Variants in SMAD3 observed in about 807,000 individuals in gnomAD.
SMAD3 encodes the protein SMAD family member 3, also known as MAD homolog 3.
SMAD3 carries 12 observed loss-of-function variants against 51.8 expected under a neutral mutation model. The ratio of observed to expected loss-of-function variants is 0.23; its 90% CI spans 0.15 to 0.38. The LOEUF (loss-of-function observed/expected upper bound fraction) is 0.38, where lower values mean the gene tolerates loss of function less well. Ranked by LOEUF, SMAD3 falls within the 10% of genes least tolerant of loss-of-function variation. The pLI is 1.00. For missense variants in SMAD3, 294 were observed against 565.6 expected (o/e 0.52, Z 4.87); for synonymous variants, 238 against 227.7 (o/e 1.05, Z -0.41).
chr15:67,151,589 G>A (rs1187274966), intron 1 of SMAD3, among the ~76,000 whole-genome samples: 2 of 152,066 alleles, frequency 1.3e-5, no homozygotes, highest in Non-Finnish European at 2.9e-5. Context: ...CCTCAGCCTC[G>A]CAAAGTGCTG....
chr15:67,124,399 G>T (rs988783419), intron 1 of SMAD3, among the ~76,000 whole-genome samples: 12 of 151,746 alleles, frequency 7.9e-5, no homozygotes, highest in African/African-American at 2.9e-4. Flanking sequence ...TCCACAGTGA[G>T]AATTAACTTC....
At chr15:67,110,505 G>A (rs1960989407) in intron 1 of SMAD3, among the ~76,000 whole-genome samples, 1 of 152,208 alleles carries the variant, frequency 6.6e-6, no homozygotes, top group Non-Finnish European at 1.5e-5. Flanking sequence ...CTCCCCCTAC[G>A]TGACAGTATT....
intron 4 of SMAD3, among the ~76,000 whole-genome samples, chr15:67,168,465 T>C (rs943697624): frequency 1.3e-5 from 2 of 152,220 alleles, no homozygotes; most frequent in Non-Finnish European, 2.9e-5. Context: ...AGTGCAGGCG[T>C]GGGAAGCAGG....
intron 1 of SMAD3, among the ~76,000 whole-genome samples, chr15:67,159,058 C>T (rs1299190177): frequency 6.6e-6 from 1 of 151,888 alleles, no homozygotes; most frequent in African/African-American, 2.4e-5. Flanking sequence ...TTTTTTTAAT[C>T]CCTCTGGGGG....
chr15:67,088,854 G>T (rs886920144), intron 1 of SMAD3, among the ~76,000 whole-genome samples: 7 of 152,166 alleles, frequency 4.6e-5, no homozygotes, highest in African/African-American at 1.7e-4. Context: ...TTGAACCCAG[G>T]AGGCAGAGGT....
intron 5 of SMAD3, among the ~76,000 whole-genome samples, chr15:67,173,811 G>A (rs1962816318): frequency 6.6e-6 from 1 of 152,214 alleles, no homozygotes. Context: ...TCGAGAAATG[G>A]TAGCAGAGCT....
intron 1 of SMAD3, among the ~76,000 whole-genome samples, chr15:67,125,147 G>A (rs965226331): frequency 3.3e-5 from 5 of 152,190 alleles, no homozygotes; most frequent in Admixed American, 6.5e-5. Context: ...GTGCATCCCC[G>A]TATGCCATCC....
At chr15:67,165,463 C>A (rs764713070) in intron 3 of SMAD3, 79 bp downstream of exon 3, 3 of 1,550,722 alleles carry the variant, frequency 1.9e-6, no homozygotes, top group Non-Finnish European at 2.6e-6. Context: ...TGGCCCCAAT[C>A]TCTGCCCCCT....
chr15:67,173,481 C>G (rs192811653), intron 5 of SMAD3, among the ~76,000 whole-genome samples: 122 of 152,134 alleles, frequency 8.0e-4, no homozygotes, highest in African/African-American at 2.8e-3. Context: ...GGTCCAAGGG[C>G]ATTATGTGGT....
In SMAD3 at chr15:67,192,389, C is replaced by G. The variant is rs886051409; in HGVS notation, c.*1853C>G. On this transcript the variant is annotated 3_prime_UTR_variant, in exon 9 of 9. Coordinates refer to ENST00000327367, the MANE Select transcript of SMAD3 (RefSeq NM_005902.4). ...GTTGACTCAGAACCCAGAGACAATACAAAACCCCTCACTTCCTCTGAGAGG... is the reference window on the plus strand; with the variant it reads ...GTTGACTCAGAACCCAGAGACAATAGAAAACCCCTCACTTCCTCTGAGAGG... 1 of 233,152 alleles carries G rather than the reference C, an allele frequency of 4.3e-6. No homozygotes were observed. Among genetic ancestry groups the G allele is most frequent in the Admixed American group, 5.6e-5 (1 of 17,768 alleles). The allele number at this position is 233,152 out of a possible 1,614,324, so 14.4% of individuals were successfully genotyped here.
chr15:67,159,839 C>A (rs1444567091), intron 1 of SMAD3, among the ~76,000 whole-genome samples: 2 of 152,190 alleles, frequency 1.3e-5, no homozygotes, highest in Non-Finnish European at 2.9e-5. Context: ...TCATTCATAG[C>A]GTTGCATGTA....
chr15:67,166,523 C>T lies in SMAD3; in HGVS notation c.533-256C>T, dbSNP rs139127443. 3.8e-5 allele frequency: 22 copies of T among 576,670 alleles called. 1 individual carries two copies. The highest frequency in any genetic ancestry group is 3.5e-4 in the African/African-American group (19 of 53,704). 35.7% of individuals were successfully genotyped at this position (576,670 alleles called of 1,614,324 possible). A position where few individuals can be genotyped will look rare whatever the true frequency, so the allele number is the denominator to read the frequency against. ...AGGATAAGTTAGCCTGGCAGAGGCT[C>T]TAGGAGTACACATTTCAGACTTGGG... On this transcript the variant is annotated intron_variant, in intron 3 of 8. Coordinates refer to ENST00000327367, the MANE Select transcript of SMAD3 (RefSeq NM_005902.4).
At chr15:67,092,099 C>G (rs1960521052) in intron 1 of SMAD3, among the ~76,000 whole-genome samples, 1 of 152,100 alleles carries the variant, frequency 6.6e-6, no homozygotes, top group South Asian at 2.1e-4. Context: ...GCCTCTCCCT[C>G]CCTCCTACCC....
intron 1 of SMAD3, among the ~76,000 whole-genome samples, chr15:67,088,002 C>G (rs148285814): frequency 6.6e-6 from 1 of 152,144 alleles, no homozygotes; most frequent in Admixed American, 6.5e-5. Flanking sequence ...TGACATGGCC[C>G]AGCTGATTGA....
At position 67,100,135 on chromosome 15, in the gene SMAD3, C is replaced by T. The variant is rs529418950; in HGVS notation, c.206+33775C>T. Among the ~76,000 whole-genome samples, 30 of 147,472 alleles carry T rather than the reference C, an allele frequency of 2.0e-4. No individual in the cohort carries two copies. The East Asian group carries it at 3.4e-3, about 17-fold the overall frequency. The stretch of plus-strand genomic sequence containing the variant: ...GGCAGAGGTTGCAGTGAGCCGAGAT[C>T]GCACCCTTGCACTCCAGCCTGGGCA... On this transcript the variant is annotated intron_variant, in intron 1 of 8. Coordinates refer to ENST00000327367, the MANE Select transcript of SMAD3 (RefSeq NM_005902.4).
At chr15:67,125,956 T>G (rs2140247635) in intron 1 of SMAD3, 1 of 985,494 alleles carries the variant, frequency 1.0e-6, no homozygotes, top group African/African-American at 1.7e-5. Flanking sequence ...AAACCCACAC[T>G]CGGGCCTGTG....
intron 1 of SMAD3, among the ~76,000 whole-genome samples, chr15:67,154,109 G>T (rs1470326379): frequency 6.6e-6 from 1 of 152,216 alleles, no homozygotes; most frequent in African/African-American, 2.4e-5. Flanking sequence ...TGGGGCACTT[G>T]TCATGGACCT....
intron 1 of SMAD3, among the ~76,000 whole-genome samples, chr15:67,077,001 G>C (rs1960184332): frequency 6.6e-6 from 1 of 152,184 alleles, no homozygotes; most frequent in South Asian, 2.1e-4. Context: ...CTAGGGGTGG[G>C]CTGAGATCTT....
intron 1 of SMAD3, among the ~76,000 whole-genome samples, chr15:67,127,911 C>T (rs1224795793): frequency 1.3e-5 from 2 of 152,180 alleles, no homozygotes; most frequent in Admixed American, 1.3e-4. Flanking sequence ...GCTTCTGAAA[C>T]TTGGGAATAA....
Sources: gnomAD v4.1 joint callset for allele counts (sites outside exome capture counted in the v4.1 genomes callset) on GRCh38, gnomAD v4.1.1 for gene constraint, MANE v1.5 for transcripts, NCBI Gene and HGNC (gene_info 2026-07-23, HGNC 2026-07-21) for gene names.